AK4: variants seen among roughly 807,000 people sequenced by gnomAD.
AK4 encodes adenylate kinase 4.
Under a neutral mutation model 24.6 loss-of-function variants are expected in AK4, and 13 were observed. The observed-to-expected ratio is 0.53, with a 90% CI of 0.34 to 0.84. AK4 has a LOEUF of 0.84. AK4 is among the 40% of genes least tolerant of loss of function. The pLI, the probability that AK4 is intolerant of heterozygous loss-of-function variation, is 0.01. For missense variants in AK4, 192 were observed against 288.2 expected, an observed-to-expected ratio of 0.67 and a Z score of 2.42; for synonymous variants, 88 against 107.0, an observed-to-expected ratio of 0.82 and a Z score of 1.10.
chr1:65,182,388 GCT>G (rs1195296870), intron 1 of AK4, among the ~76,000 whole-genome samples: 10 of 152,086 alleles, frequency 6.6e-5, no homozygotes, highest in Non-Finnish European at 1.5e-5. Context: ...AACAGGAGTA[GCT>G]CTCTCATAGG....
intron 1 of AK4, 87 bp from the exon 2 acceptor site, chr1:65,190,623 A>T (rs1651273809): frequency 1.4e-6 from 2 of 1,474,568 alleles, no homozygotes; most frequent in Non-Finnish European, 1.8e-6. Context: ...ATCAGGAAGG[A>T]TGGAGAGAAG....
intron 2 of AK4, 87 bp from the exon 3 acceptor site, chr1:65,218,667 A>C (rs944085238): frequency 1.5e-6 from 2 of 1,374,538 alleles, no homozygotes; most frequent in Non-Finnish European, 1.9e-6. Flanking sequence ...GTATATGCAG[A>C]TTTAATTCTG....
At chr1:65,210,746 A>G (rs899567734) in intron 2 of AK4, among the ~76,000 whole-genome samples, 1 of 151,958 alleles carries the variant, frequency 6.6e-6, no homozygotes, top group Admixed American at 6.6e-5. Flanking sequence ...CCAGTCCCAC[A>G]TTGCCTTCAT....
At chr1:65,164,346 G>A (rs570371096) in intron 1 of AK4, among the ~76,000 whole-genome samples, 66 of 152,160 alleles carry the variant, frequency 4.3e-4, no homozygotes, top group African/African-American at 1.6e-3. Flanking sequence ...TTGCAAAGGC[G>A]GTTTCACAAG....
chr1:65,149,564 C>T (rs1210300801), intron 1 of AK4, among the ~76,000 whole-genome samples: 1 of 152,176 alleles, frequency 6.6e-6, no homozygotes, highest in Non-Finnish European at 1.5e-5. Flanking sequence ...CAAGGATGTC[C>T]GGGCTGGTTA....
chr1:65,223,889 C>T (rs778090737), intron 3 of AK4, among the ~76,000 whole-genome samples: 23 of 152,022 alleles, frequency 1.5e-4, no homozygotes, highest in Admixed American at 1.0e-3. Flanking sequence ...CCCACCTGTT[C>T]GGCTGAGGCA....
chr1:65,207,264 T>C lies in AK4; in HGVS notation c.266-11490T>C, dbSNP rs1048899803. Among the ~76,000 whole-genome samples the C allele has an allele frequency of 9.2e-5, 14 of 152,276 alleles. 3 individuals carry two copies. The highest frequency in any genetic ancestry group is 2.0e-4 in the Admixed American group (3 of 15,282). On this transcript the variant is annotated intron_variant, in intron 2 of 4. Coordinates refer to ENST00000327299, the MANE Select transcript of AK4 (RefSeq NM_013410.4). ...CTCTATCTTGCCCTGTCACCCACGC[T>C]GGAGTGCAGTGGCACGATCACAGCT...
At chr1:65,154,613 A>C in intron 1 of AK4, 1 of 508,304 alleles carries the variant, frequency 2.0e-6, no homozygotes. Context: ...TGTTTCCGTC[A>C]GTACGCGAAC....
At chr1:65,222,090 A>G (rs764816409) in intron 3 of AK4, among the ~76,000 whole-genome samples, 1 of 152,162 alleles carries the variant, frequency 6.6e-6, no homozygotes, top group Non-Finnish European at 1.5e-5. Context: ...TTTATAGTCC[A>G]GGGTGAGGAG....
intron 2 of AK4, among the ~76,000 whole-genome samples, chr1:65,195,441 A>T (rs1466059757): frequency 2.0e-5 from 3 of 152,200 alleles, no homozygotes; most frequent in Non-Finnish European, 4.4e-5. Flanking sequence ...TCTAGTTTAC[A>T]TTTTTAAATT....
rs1652651826 is a variant in AK4 at position 65,231,680 on chromosome 1, ACT to A, written c.*5505_*5506del. On this transcript the variant is annotated 3_prime_UTR_variant, in exon 5 of 5. Coordinates refer to ENST00000327299, the MANE Select transcript of AK4 (RefSeq NM_013410.4). The stretch of plus-strand genomic sequence containing the variant: ...AAGACTAAAGGGAAGAAAAATGAAA[ACT>A]CAGTCTTTATGTAAGCTCCAAGGAT... The A allele has an allele frequency of 6.6e-6, 1 of 152,184 alleles. No individual in the cohort carries two copies. Among genetic ancestry groups the A allele is most frequent in the African/African-American group, 2.4e-5 (1 of 41,436 alleles). The allele number at this position is 152,184 out of a possible 1,614,324, so 9.4% of individuals were successfully genotyped here.
intron 2 of AK4, among the ~76,000 whole-genome samples, chr1:65,207,552 GTTTT>G (rs398053072): frequency 7.3e-6 from 1 of 137,890 alleles, no homozygotes; most frequent in African/African-American, 2.7e-5. Context: ...CACAGCTGCT[GTTTT>G]TTTTTTTTTT....
chr1:65,218,078 A>G (rs1028534151), intron 2 of AK4, among the ~76,000 whole-genome samples: 2 of 152,232 alleles, frequency 1.3e-5, no homozygotes, highest in Non-Finnish European at 2.9e-5. Flanking sequence ...TGTACAATAC[A>G]GTATTTATGA....
At chr1:65,183,407 C>T (rs1313872391) in intron 1 of AK4, among the ~76,000 whole-genome samples, 4 of 152,064 alleles carry the variant, frequency 2.6e-5, no homozygotes, top group South Asian at 2.1e-4. Context: ...CACACCATCA[C>T]GCCCAGCTAA....
At chr1:65,175,387 A>T (rs908195285) in intron 1 of AK4, among the ~76,000 whole-genome samples, 6 of 152,242 alleles carry the variant, frequency 3.9e-5, no homozygotes, top group African/African-American at 1.4e-4. Context: ...TCTCATGGGC[A>T]GCAGTAGCAA....
At chr1:65,155,263 AG>A (rs1234474248) in intron 1 of AK4, among the ~76,000 whole-genome samples, 3 of 151,388 alleles carry the variant, frequency 2.0e-5, no homozygotes, top group African/African-American at 7.3e-5. Context: ...CATTTAGGCC[AG>A]GAGTTCGAGA....
chr1:65,165,228 T>C (rs763403452), intron 1 of AK4, among the ~76,000 whole-genome samples: 1 of 152,212 alleles, frequency 6.6e-6, no homozygotes, highest in Non-Finnish European at 1.5e-5. Context: ...CATACCTTGC[T>C]TAATAGTTGT....
intron 3 of AK4, among the ~76,000 whole-genome samples, chr1:65,221,458 A>G (rs1652291384): frequency 6.6e-6 from 1 of 152,196 alleles, no homozygotes; most frequent in African/African-American, 2.4e-5. Context: ...AAAGCAGGCC[A>G]GGCTTGTTGG....
chr1:65,159,431 T>C (rs986248634), intron 1 of AK4, among the ~76,000 whole-genome samples: 1 of 152,150 alleles, frequency 6.6e-6, no homozygotes, highest in Non-Finnish European at 1.5e-5. Context: ...CCAAGGCGGA[T>C]GGATCACTTG....
Sources: gnomAD v4.1 joint callset for allele counts (sites outside exome capture counted in the v4.1 genomes callset) on GRCh38, gnomAD v4.1.1 for gene constraint, MANE v1.5 for transcripts, NCBI Gene and HGNC (gene_info 2026-07-23, HGNC 2026-07-21) for gene names.